Variants in ARHGAP10 observed in about 807,000 individuals in gnomAD.
ARHGAP10 encodes the protein Rho GTPase activating protein 10.
In ARHGAP10, 87 loss-of-function variants were observed where a neutral mutation model predicts 108.6. The observed-to-expected ratio is 0.80, with a 90% CI of 0.67 to 0.96. The LOEUF is 0.96. Ranked by LOEUF, ARHGAP10 falls within the 40% of genes least tolerant of loss-of-function variation. The pLI, the probability that ARHGAP10 is intolerant of heterozygous loss-of-function variation, is 0.00. For missense variants in ARHGAP10, 939 were observed against 954.5 expected (o/e 0.98, Z 0.21); for synonymous variants, 347 against 341.1 (o/e 1.02, Z -0.19).
intron 13 of ARHGAP10, among the ~76,000 whole-genome samples, chr4:147,934,810 G>A (rs186392162): frequency 2.6e-5 from 4 of 152,320 alleles, no homozygotes; most frequent in African/African-American, 9.6e-5. Flanking sequence ...TTCCACCTGG[G>A]TGACAGAATG....
chr4:147,758,295 T>C lies in ARHGAP10; in HGVS notation c.154+25840T>C, dbSNP rs147462633. 3.2e-4 allele frequency among the ~76,000 whole-genome samples: 48 copies of C among 152,226 alleles called. No individual in the cohort carries two copies. The East Asian group carries it at 8.1e-3, about 26-fold the overall frequency. On this transcript the variant is annotated intron_variant, in intron 1 of 22. Transcript: ENST00000336498. ...AAAAAAAAAGATTTTGATGTAGTTA[T>C]GTATGAATAAACCTAAACCTTTGGC... is the stretch of plus-strand genomic sequence containing the variant.
rs1426877882 is a variant in ARHGAP10, at chr4:148,072,234, T to G, written c.*153T>G. 1,027 of 360,614 alleles carry G rather than the reference T, an allele frequency of 2.8e-3. No homozygotes were observed. The highest frequency in any genetic ancestry group is 8.0e-3 in the East Asian group (114 of 14,238). The allele number at this position is 360,614 out of a possible 1,614,324, so 22.3% of individuals were successfully genotyped here. ...CACAGTCAGCCCTGGGGGTGGGGGG[T>G]GGTGGGCAGGGATGGGACGCACCAC... On this transcript the variant is annotated 3_prime_UTR_variant, in exon 23 of 23. Coordinates refer to ENST00000336498, the MANE Select transcript of ARHGAP10 (RefSeq NM_024605.4).
intron 1 of ARHGAP10, among the ~76,000 whole-genome samples, chr4:147,809,851 C>T (rs971100533): frequency 1.3e-5 from 2 of 152,166 alleles, no homozygotes; most frequent in Admixed American, 6.5e-5. Flanking sequence ...GAATCTAATG[C>T]CCCTGCTGAT....
chr4:147,788,403 C>T (rs535985410), intron 1 of ARHGAP10, among the ~76,000 whole-genome samples: 138 of 152,158 alleles, frequency 9.1e-4, no homozygotes, highest in African/African-American at 2.9e-3. Context: ...GCTGAGATCA[C>T]GCCATTGCAC....
At chr4:147,922,501 A>G (rs1737285679) in intron 13 of ARHGAP10, among the ~76,000 whole-genome samples, 1 of 151,476 alleles carries the variant, frequency 6.6e-6, no homozygotes, top group South Asian at 2.1e-4. Context: ...CATCCCGGCT[A>G]AAACGGTGAA....
intron 18 of ARHGAP10, among the ~76,000 whole-genome samples, chr4:147,967,607 G>A (rs1739252946): frequency 6.6e-6 from 1 of 152,144 alleles, no homozygotes; most frequent in Non-Finnish European, 1.5e-5. Flanking sequence ...GTTTATGATT[G>A]TCACTTTGGG....
chr4:147,856,801 TG>T (rs1222685189), intron 4 of ARHGAP10, among the ~76,000 whole-genome samples: 3 of 152,200 alleles, frequency 2.0e-5, no homozygotes, highest in Non-Finnish European at 4.4e-5. Context: ...TTTCCCAAGA[TG>T]TTTTTTTTCC....
intron 13 of ARHGAP10, among the ~76,000 whole-genome samples, chr4:147,936,981 G>A (rs1309253413): frequency 6.6e-6 from 1 of 152,122 alleles, no homozygotes; most frequent in Non-Finnish European, 1.5e-5. Flanking sequence ...ACCCTATTGT[G>A]AACTGCACAT....
At chr4:147,885,615 A>C (rs1407854979) in intron 10 of ARHGAP10, among the ~76,000 whole-genome samples, 1 of 152,206 alleles carries the variant, frequency 6.6e-6, no homozygotes, top group Non-Finnish European at 1.5e-5. Context: ...AATTGGGTAC[A>C]GAGCTTGGCG....
At chr4:147,903,613 A>T (rs939483963) in intron 10 of ARHGAP10, among the ~76,000 whole-genome samples, 1 of 152,142 alleles carries the variant, frequency 6.6e-6, no homozygotes, top group Admixed American at 6.5e-5. Flanking sequence ...CCACCTGTTC[A>T]TCCCTTTCCC....
chr4:147,977,202 A>G (rs1241624034), intron 18 of ARHGAP10, among the ~76,000 whole-genome samples: 1 of 152,200 alleles, frequency 6.6e-6, no homozygotes, highest in African/African-American at 2.4e-5. Context: ...CCTATTCTTC[A>G]TTGCATTTTT....
intron 3 of ARHGAP10, among the ~76,000 whole-genome samples, chr4:147,833,311 C>T (rs1424798352): frequency 3.9e-5 from 6 of 152,080 alleles, no homozygotes; most frequent in Admixed American, 1.3e-4. Flanking sequence ...GGAGTTCTCA[C>T]GAGAGCTGAT....
At chr4:147,971,610 A>G (rs946945900) in intron 18 of ARHGAP10, among the ~76,000 whole-genome samples, 2 of 152,194 alleles carry the variant, frequency 1.3e-5, no homozygotes, top group African/African-American at 4.8e-5. Context: ...AGACCATGTA[A>G]TCAGAGAAAC....
chr4:147,839,196 G>A (rs926728620), intron 3 of ARHGAP10, among the ~76,000 whole-genome samples: 2 of 151,776 alleles, frequency 1.3e-5, no homozygotes, highest in South Asian at 2.1e-4. Flanking sequence ...TTAAGATTCC[G>A]TTTCAAGGAA....
chr4:147,839,803 A>C (rs1232533128), intron 3 of ARHGAP10, among the ~76,000 whole-genome samples: 2 of 152,228 alleles, frequency 1.3e-5, no homozygotes, highest in Admixed American at 6.5e-5. Context: ...TTAAGATAAC[A>C]TAACTTTCCT....
In ARHGAP10 at chr4:147,969,780, G is replaced by T. The variant is rs111661673; in HGVS notation, c.1716+2941G>T. The stretch of plus-strand genomic sequence containing the variant: ...ACAATAGTTACAGCAGACGAAAGTG[G>T]CCTCGCTTTCAGAGCTTTATAGAGC... On this transcript the variant is annotated intron_variant, in intron 18 of 22. Transcript: ENST00000336498. Among the ~76,000 whole-genome samples, 17 of 152,294 alleles carry T rather than the reference G, an allele frequency of 1.1e-4. No homozygotes were observed. The East Asian group carries it at 2.5e-3, about 22-fold the overall frequency.
intron 18 of ARHGAP10, among the ~76,000 whole-genome samples, chr4:147,972,679 G>T (rs1739455473): frequency 6.6e-6 from 1 of 152,170 alleles, no homozygotes; most frequent in African/African-American, 2.4e-5. Context: ...CGTCCCATGA[G>T]ATGGGCAAGT....
At chr4:147,982,173 G>GT (rs1739833474) in intron 18 of ARHGAP10, among the ~76,000 whole-genome samples, 1 of 152,076 alleles carries the variant, frequency 6.6e-6, no homozygotes, top group South Asian at 2.1e-4. Context: ...GTCTCTTCTG[G>GT]TTTATAAAGT....
chr4:147,749,597 G>A (rs541743809), intron 1 of ARHGAP10, among the ~76,000 whole-genome samples: 5 of 152,226 alleles, frequency 3.3e-5, no homozygotes, highest in Admixed American at 2.0e-4. Context: ...TTTTAAATTT[G>A]AAATCAATTG....
Sources: gnomAD v4.1 joint callset for allele counts (sites outside exome capture counted in the v4.1 genomes callset) on GRCh38, gnomAD v4.1.1 for gene constraint, MANE v1.5 for transcripts, NCBI Gene and HGNC (gene_info 2026-07-23, HGNC 2026-07-21) for gene names.